PARD3B: variants seen among roughly 807,000 people sequenced by gnomAD.
PARD3B encodes the protein partitioning defective 3 homolog B.
Under a neutral mutation model 130.2 loss-of-function variants are expected in PARD3B, and 103 were observed. That is an observed-to-expected ratio of 0.79 (90% CI 0.67 to 0.93). The LOEUF (loss-of-function observed/expected upper bound fraction) is 0.93. Ranked by LOEUF, PARD3B falls within the 40% of genes least tolerant of loss-of-function variation. The pLI, the probability that PARD3B is intolerant of heterozygous loss-of-function variation, is 0.00. For missense variants in PARD3B, 1,609 were observed against 1,499.2 expected (o/e 1.07, Z -1.21); for synonymous variants, 583 against 553.2 (o/e 1.05, Z -0.76).
At chr2:204,803,109 G>A (rs1343254934) in intron 2 of PARD3B, among the ~76,000 whole-genome samples, 2 of 143,286 alleles carry the variant, frequency 1.4e-5, no homozygotes, top group African/African-American at 5.1e-5. Context: ...TGACAGGCCA[G>A]GAGAGAGGGA....
At chr2:205,108,787 TA>T (rs1407317140) in intron 5 of PARD3B, among the ~76,000 whole-genome samples, 7 of 152,170 alleles carry the variant, frequency 4.6e-5, no homozygotes, top group Admixed American at 3.3e-4. Context: ...TGGGGTGCAA[TA>T]AATCACTATT....
Position 205,530,096 on chromosome 2 carries a change from C to A in PARD3B, c.3181-23228C>A, listed in dbSNP as rs1409515535. 2.0e-5 allele frequency among the ~76,000 whole-genome samples: 3 copies of A among 152,172 alleles called. No individual in the cohort carries two copies. The highest frequency in any genetic ancestry group is 4.4e-5 in the Non-Finnish European group (3 of 68,032). The stretch of plus-strand genomic sequence containing the variant: ...TATCCGTAGGGTATGCACATTCCCA[C>A]CACAAGATGCAAAAGAGTGGCACAC... On this transcript the variant is annotated intron_variant, in intron 21 of 22. Transcript: ENST00000406610. The surrounding 1 kb of genome is among the most constrained non-coding windows in gnomAD (Gnocchi z 4.7).
At position 204,943,148 on chromosome 2, in the gene PARD3B, G is replaced by A. The variant is rs1689045650; in HGVS notation, c.223-22004G>A. Among the ~76,000 whole-genome samples the A allele has an allele frequency of 3.4e-5, 5 of 146,974 alleles. No individual in the cohort carries two copies. Among genetic ancestry groups the A allele is most frequent in the Admixed American group, 2.0e-4 (3 of 15,100 alleles). On this transcript the variant is annotated intron_variant, in intron 2 of 22. Transcript: ENST00000406610. This position sits in a 1 kb window ranked among gnomAD's most constrained non-coding sequence, Gnocchi z 4.2. ...GAAAGAAGTTTTTCACATTCTTAAT[G>A]TGTGTATGTGTGTGTGTGTATGTGT...
chr2:205,087,860 C>T (rs1559424701), intron 4 of PARD3B, among the ~76,000 whole-genome samples: 1 of 152,136 alleles, frequency 6.6e-6, no homozygotes, highest in Non-Finnish European at 1.5e-5. Flanking sequence ...GCTATTCAGA[C>T]AGAATGGGTG....
At chr2:205,260,492 T>C (rs1384506425) in intron 16 of PARD3B, among the ~76,000 whole-genome samples, 1 of 152,158 alleles carries the variant, frequency 6.6e-6, no homozygotes, top group Non-Finnish European at 1.5e-5. Flanking sequence ...AGTTTGGTAA[T>C]TTCCATTTGG....
At chr2:204,838,027 G>A (rs2044115662) in intron 2 of PARD3B, among the ~76,000 whole-genome samples, 1 of 152,050 alleles carries the variant, frequency 6.6e-6, no homozygotes, top group African/African-American at 2.4e-5. Context: ...AGTATAATGG[G>A]GGGAGAGACA....
At chr2:205,107,302 A>T (rs1197341295) in intron 5 of PARD3B, among the ~76,000 whole-genome samples, 2 of 152,162 alleles carry the variant, frequency 1.3e-5, no homozygotes, top group Non-Finnish European at 2.9e-5. Context: ...GACCTTTTGG[A>T]TTTAGATAAG....
At chr2:205,191,971 A>G (rs775099716) in intron 14 of PARD3B, among the ~76,000 whole-genome samples, 5 of 152,190 alleles carry the variant, frequency 3.3e-5, no homozygotes, top group Non-Finnish European at 7.3e-5. Flanking sequence ...CTCCAGCCTC[A>G]GACTCCCAAG....
intron 2 of PARD3B, among the ~76,000 whole-genome samples, chr2:204,764,712 A>ATGTGTGTGTGTGTGTG (rs1387737555): frequency 0.033 from 1,438 of 43,048 alleles, 29 homozygotes; most frequent in African/African-American, 0.078. Context: ...TCTGGCATGC[A>ATGTGTGTGTGTGTGTG]TGCGTGTGTG....
intron 6 of PARD3B, 54 bp from the exon 7 acceptor site, chr2:205,118,867 A>G: frequency 8.0e-7 from 1 of 1,255,236 alleles, no homozygotes; most frequent in South Asian, 1.6e-5. Flanking sequence ...AAGTGGAGAA[A>G]TAATTAGCAT....
At chr2:204,625,775 C>T (rs1341878792) in intron 1 of PARD3B, among the ~76,000 whole-genome samples, 1 of 152,104 alleles carries the variant, frequency 6.6e-6, no homozygotes, top group Non-Finnish European at 1.5e-5. Context: ...CTATGAAACG[C>T]TCATTTCATA....
intron 2 of PARD3B, among the ~76,000 whole-genome samples, chr2:204,903,169 C>A (rs2046927823): frequency 6.6e-6 from 1 of 152,152 alleles, no homozygotes; most frequent in African/African-American, 2.4e-5. Context: ...AGAAAGGTTG[C>A]CATTCTCTTA....
chr2:205,018,202 G>GGAAA (rs1452627544), intron 3 of PARD3B, among the ~76,000 whole-genome samples: 1 of 151,996 alleles, frequency 6.6e-6, no homozygotes, highest in Admixed American at 6.6e-5. Flanking sequence ...CATTAAATCT[G>GGAAA]GAAAGAAGGA....
intron 1 of PARD3B, among the ~76,000 whole-genome samples, chr2:204,653,530 C>A (rs1480888601): frequency 6.6e-6 from 1 of 150,798 alleles, no homozygotes; most frequent in Admixed American, 6.6e-5. Flanking sequence ...GTGGCTCATG[C>A]CTGTAATCCC....
intron 10 of PARD3B, among the ~76,000 whole-genome samples, chr2:205,131,957 C>T (rs377006940): frequency 2.6e-5 from 4 of 152,238 alleles, no homozygotes; most frequent in African/African-American, 7.2e-5. Flanking sequence ...GACTCTATCA[C>T]TTATTGATTA....
chr2:205,035,432 G>A (rs539990924), intron 3 of PARD3B, among the ~76,000 whole-genome samples: 17 of 152,130 alleles, frequency 1.1e-4, no homozygotes, highest in East Asian at 3.9e-4. Context: ...TCAAGGTATC[G>A]ATGAGAACTG....
At chr2:205,374,632 T>C (rs566200204) in intron 18 of PARD3B, among the ~76,000 whole-genome samples, 12 of 152,342 alleles carry the variant, frequency 7.9e-5, no homozygotes, top group African/African-American at 2.9e-4. Flanking sequence ...TAATATGATA[T>C]TATAGCTAAT....
chr2:205,399,409 C>T (rs2046160200), intron 18 of PARD3B, among the ~76,000 whole-genome samples: 1 of 152,016 alleles, frequency 6.6e-6, no homozygotes, highest in African/African-American at 2.4e-5. Flanking sequence ...GGCTGGGCTG[C>T]AGTGGTGCCA....
At chr2:204,931,077 A>T (rs910293308) in intron 2 of PARD3B, among the ~76,000 whole-genome samples, 5 of 152,156 alleles carry the variant, frequency 3.3e-5, no homozygotes, top group Admixed American at 2.0e-4. Flanking sequence ...TGCCGATAGA[A>T]GGAATGGCTT....
Sources: gnomAD v4.1 joint callset for allele counts (sites outside exome capture counted in the v4.1 genomes callset) on GRCh38, gnomAD v4.1.1 for gene constraint, Gnocchi (gnomAD v3.1) non-coding constraint, MANE v1.5 for transcripts, NCBI Gene and HGNC (gene_info 2026-07-23, HGNC 2026-07-21) for gene names.